The following PPP2R1B variants were observed in gnomAD, a reference collection of about 807,000 sequenced individuals.
PPP2R1B encodes the protein protein phosphatase 2 scaffold subunit Abeta.
PPP2R1B carries 58 observed loss-of-function variants against 72.7 expected under a neutral mutation model. The ratio of observed to expected loss-of-function variants is 0.80; its 90% CI spans 0.65 to 0.99. The LOEUF (loss-of-function observed/expected upper bound fraction) is 0.99. Among genes scored for constraint, PPP2R1B ranks in the 50% least tolerant of loss-of-function variants. The pLI, the probability that PPP2R1B is intolerant of heterozygous loss-of-function variation, is 0.00. For missense variants in PPP2R1B, 695 were observed against 733.6 expected (o/e 0.95, Z 0.61); for synonymous variants, 256 against 264.6 (o/e 0.97, Z 0.32).
chr11:111,732,676 G>T (rs998888289), intron 15 of PPP2R1B, among the ~76,000 whole-genome samples: 7 of 152,298 alleles, frequency 4.6e-5, no homozygotes, highest in Middle Eastern at 3.4e-3. Context: ...GAGCGACACA[G>T]CAAGACTTCA....
chr11:111,745,980 C>T (rs1222679596), intron 11 of PPP2R1B, among the ~76,000 whole-genome samples: 2 of 152,212 alleles, frequency 1.3e-5, no homozygotes, highest in Admixed American at 1.3e-4. Flanking sequence ...TTGCAGTCCC[C>T]ACTTCAGCAT....
rs775258463 is a variant in PPP2R1B, at chr11:111,743,444, G to A, written c.1486C>T (p.Pro496Ser). The A allele has an allele frequency of 6.2e-7, 1 of 1,613,434 alleles. No individual in the cohort carries two copies. Among genetic ancestry groups the A allele is most frequent in the Admixed American group, 1.7e-5 (1 of 59,982 alleles). The part of the protein sequence containing the change: ...GTEWAQNTIV[P>S]KVLVMANDPN... ...TCATTTGCCATTACTAACACTTTGG[G>A]AACAATAGTATTTTGGGCCCACTCT... The change falls in exon 12 of 15, where the codon CCC becomes TCC. Residue 496 changes from proline to serine, a missense_variant. Transcript: ENST00000527614.
intron 5 of PPP2R1B, among the ~76,000 whole-genome samples, chr11:111,758,462 C>A (rs542684630): frequency 6.6e-6 from 1 of 152,014 alleles, no homozygotes; most frequent in Non-Finnish European, 1.5e-5. Flanking sequence ...TGGTGGCATG[C>A]GCCTGTAGTC....
chr11:111,764,679 A>T (rs1555052441), intron 3 of PPP2R1B, 126 bp downstream of exon 3: 2 of 921,952 alleles, frequency 2.2e-6, no homozygotes, highest in Non-Finnish European at 3.2e-6. Context: ...TCAATGACTA[A>T]CATTATGACT....
downstream of PPP2R1B, chr11:111,737,437 C>T (rs750034053): frequency 2.0e-5 from 32 of 1,614,110 alleles, no homozygotes; most frequent in South Asian, 3.3e-5. Context: ...CCCAGGCTTC[C>T]GGGCACTTAC....
the PPP2R1B span, among the ~76,000 whole-genome samples, chr11:111,717,248 A>G: frequency 2.2e-5 from 3 of 139,142 alleles, no homozygotes; most frequent in Non-Finnish European, 4.6e-5. Flanking sequence ...CCTGGGAGGC[A>G]GAGCTTGCAG....
downstream of PPP2R1B, among the ~76,000 whole-genome samples, chr11:111,733,737 A>G (rs1944263039): frequency 6.6e-6 from 1 of 152,214 alleles, no homozygotes; most frequent in Non-Finnish European, 1.5e-5. Flanking sequence ...GGGATCCGCC[A>G]GAACTGCCTT....
chr11:111,721,275 G>A, the PPP2R1B span, among the ~76,000 whole-genome samples: 11 of 152,170 alleles, frequency 7.2e-5, no homozygotes, highest in Non-Finnish European at 1.5e-4. Context: ...ACCAGATGGA[G>A]GCCTGGACAC....
intron 5 of PPP2R1B, among the ~76,000 whole-genome samples, chr11:111,759,492 A>G (rs1257451439): frequency 6.6e-6 from 1 of 152,216 alleles, no homozygotes; most frequent in African/African-American, 2.4e-5. Context: ...CTCATATTAC[A>G]ATACAGCCAG....
At chr11:111,695,164 T>C in the PPP2R1B span, among the ~76,000 whole-genome samples, 1 of 152,218 alleles carries the variant, frequency 6.6e-6, no homozygotes, top group African/African-American at 2.4e-5. Context: ...TCACTCCTAT[T>C]ATAATTACAA....
the PPP2R1B span, among the ~76,000 whole-genome samples, chr11:111,720,168 A>G: frequency 6.6e-6 from 1 of 152,216 alleles, no homozygotes. Context: ...GGCAGCAGCT[A>G]TCAAAGGTGA....
intron 15 of PPP2R1B, among the ~76,000 whole-genome samples, chr11:111,731,213 C>T (rs1471668506): frequency 6.6e-6 from 1 of 152,108 alleles, no homozygotes; most frequent in East Asian, 1.9e-4. Flanking sequence ...CCTCATGCCG[C>T]GGTAGGAGGA....
At chr11:111,696,971 T>C in the PPP2R1B span, among the ~76,000 whole-genome samples, 1 of 152,224 alleles carries the variant, frequency 6.6e-6, no homozygotes, top group Non-Finnish European at 1.5e-5. Context: ...CAGATTCCTG[T>C]GAAGAAATTA....
chr11:111,709,058 G>A, the PPP2R1B span, among the ~76,000 whole-genome samples: 7 of 152,326 alleles, frequency 4.6e-5, no homozygotes, highest in East Asian at 1.9e-4. Flanking sequence ...CTGCCGTAAC[G>A]AAATACCACA....
intron 5 of PPP2R1B, among the ~76,000 whole-genome samples, chr11:111,756,880 G>A (rs527639905): frequency 4.1e-4 from 63 of 152,078 alleles, no homozygotes; most frequent in Non-Finnish European, 7.8e-4. Flanking sequence ...TTGGGAGGCC[G>A]AGGCAGGCGG....
rs141086335 is a variant in PPP2R1B at position 111,761,585 on chromosome 11, T to C, written c.307-534A>G. Among the ~76,000 whole-genome samples the C allele has an allele frequency of 2.0e-3, 312 of 152,326 alleles. 2 individuals carry two copies. Among genetic ancestry groups the C allele is most frequent in the East Asian group, 0.015 (77 of 5,186 alleles). Reference sequence around the variant, plus strand: ...AACCTATAAAATGCTGAATGCAAAATTGCTTTTTTCAGAACACATTCAGCA... The same window carrying C: ...AACCTATAAAATGCTGAATGCAAAACTGCTTTTTTCAGAACACATTCAGCA... On this transcript the variant is annotated intron_variant, in intron 3 of 14. Coordinates refer to ENST00000527614, the MANE Select transcript of PPP2R1B (RefSeq NM_002716.5).
At chr11:111,737,441 C>A, downstream of PPP2R1B, 1 of 1,614,218 alleles carries the variant, frequency 6.2e-7, no homozygotes. Context: ...GGCTTCCGGG[C>A]ACTTACCTTC....
chr11:111,710,369 C>T, the PPP2R1B span, among the ~76,000 whole-genome samples: 189 of 152,266 alleles, frequency 1.2e-3, no homozygotes, highest in Non-Finnish European at 1.8e-3. Flanking sequence ...GCATCCATAC[C>T]ATTCTGACAC....
At chr11:111,763,605 C>T (rs150242935) in intron 3 of PPP2R1B, among the ~76,000 whole-genome samples, 1 of 152,102 alleles carries the variant, frequency 6.6e-6, no homozygotes, top group South Asian at 2.1e-4. Context: ...TACGTAGACT[C>T]TATAGGAATT....
Sources: gnomAD v4.1 joint callset for allele counts (sites outside exome capture counted in the v4.1 genomes callset) on GRCh38, gnomAD v4.1.1 for gene constraint, MANE v1.5 for transcripts, NCBI Gene and HGNC (gene_info 2026-07-23, HGNC 2026-07-21) for gene names.